Variants in SLC5A4 observed in about 807,000 individuals in gnomAD.
SLC5A4 encodes probable glucose sensor protein SLC5A4.
A neutral mutation model predicts 70.3 loss-of-function variants in SLC5A4; 55 were observed. The ratio of observed to expected loss-of-function variants is 0.78; its 90% CI spans 0.63 to 0.98. The LOEUF (loss-of-function observed/expected upper bound fraction) is 0.98, where lower values mean the gene tolerates loss of function less well. Among genes scored for constraint, SLC5A4 ranks in the 50% least tolerant of loss-of-function variants. The pLI is 0.00. For synonymous variants in SLC5A4, 268 were observed against 305.7 expected, an observed-to-expected ratio of 0.88 and a Z score of 1.29; for missense variants, 735 against 839.2, an observed-to-expected ratio of 0.88 and a Z score of 1.53.
the SLC5A4 span, among the ~76,000 whole-genome samples, chr22:32,316,934 C>CTCTCTGTGTGTGTGTGTGTGTGTGTG: frequency 1.3e-5 from 2 of 148,622 alleles, no homozygotes; most frequent in Admixed American, 6.7e-5. Context: ...ATTAACAACT[C>CTCTCTGTGTGTGTGTGTGTGTGTGTG]TGTGTGTGTG....
At chr22:32,326,592 C>T in the SLC5A4 span, among the ~76,000 whole-genome samples, 9 of 152,072 alleles carry the variant, frequency 5.9e-5, no homozygotes, top group Admixed American at 1.3e-4. Flanking sequence ...TCACAGGGAC[C>T]TGAAAGGAGG....
At position 32,231,073 on chromosome 22, in the gene SLC5A4, T is replaced by C. The variant is rs763489323; in HGVS notation, c.1024A>G (p.Met342Val). Residue 342 changes from methionine (M) to valine (V), a missense_variant and splice_region_variant, in exon 10 of 15, where the codon ATG (methionine) becomes GTG (valine). By Grantham distance (21) the Met-to-Val change is conservative. Transcript: ENST00000266086. The part of the protein sequence containing the change: ...GMISRILYTD[M>V]VACVVPSECV... ...TCAGAAGGTACCACACATGCTACCA[T>C]ATCTGGGGAAGAATTCAGAAGTGAG... The C allele has an allele frequency of 4.4e-6, 7 of 1,607,300 alleles. No individual in the cohort carries two copies. The highest frequency in any genetic ancestry group is 6.0e-6 in the Non-Finnish European group (7 of 1,173,886).
At chr22:32,300,571 G>A in the SLC5A4 span, among the ~76,000 whole-genome samples, 1 of 151,180 alleles carries the variant, frequency 6.6e-6, no homozygotes, top group Non-Finnish European at 1.5e-5. Flanking sequence ...GCACTCCCTA[G>A]TGAGATGAAC....
At chr22:32,269,538 T>C in the SLC5A4 span, 3,275 of 619,518 alleles carry the variant, frequency 5.3e-3, 85 homozygotes, top group African/African-American at 0.054. This position sits in a 1 kb window ranked among gnomAD's most constrained non-coding sequence, Gnocchi z 4.1. Context: ...ATCGTGGCCA[T>C]CTTGCTAACA....
chr22:32,298,865 C>T, the SLC5A4 span, among the ~76,000 whole-genome samples: 1 of 108,050 alleles, frequency 9.3e-6, no homozygotes, highest in Non-Finnish European at 1.9e-5. Context: ...GACAAAATCT[C>T]TCAGCATTTG....
the SLC5A4 span, among the ~76,000 whole-genome samples, chr22:32,306,460 G>A: frequency 2.1e-4 from 21 of 100,112 alleles, no homozygotes; most frequent in South Asian, 1.9e-3. Flanking sequence ...AGCAAGACTC[G>A]GTCTCAAAAA....
chr22:32,342,867 T>A, the SLC5A4 span: 4 of 152,222 alleles, frequency 2.6e-5, no homozygotes, highest in South Asian at 8.3e-4. Flanking sequence ...AACTAGCTTT[T>A]TGGCTGCTAG....
At chr22:32,310,440 G>C in the SLC5A4 span, among the ~76,000 whole-genome samples, 17 of 152,292 alleles carry the variant, frequency 1.1e-4, no homozygotes, top group South Asian at 3.3e-3. Flanking sequence ...GGCACTGCAC[G>C]TGGGACACAG....
At chr22:32,271,592 C>T in the SLC5A4 span, 11 of 684,096 alleles carry the variant, frequency 1.6e-5, no homozygotes, top group Non-Finnish European at 2.4e-5. Flanking sequence ...GGCGTGTTTC[C>T]ACTACTTCGA....
At chr22:32,328,091 CACACAA>C in the SLC5A4 span, among the ~76,000 whole-genome samples, 4 of 102,678 alleles carry the variant, frequency 3.9e-5, no homozygotes, top group Non-Finnish European at 7.6e-5. Flanking sequence ...GAGCCCCCAA[CACACAA>C]ACACACACAC....
At chr22:32,220,820 A>C in intron 14 of SLC5A4, 100 bp downstream of exon 14, 1 of 812,180 alleles carries the variant, frequency 1.2e-6, no homozygotes, top group South Asian at 1.4e-5. Flanking sequence ...TAAATCTAAC[A>C]GCCTTTTCGG....
At chr22:32,328,406 G>A in the SLC5A4 span, among the ~76,000 whole-genome samples, 1 of 152,132 alleles carries the variant, frequency 6.6e-6, no homozygotes, top group Non-Finnish European at 1.5e-5. Context: ...CCCTTCCAAG[G>A]TTAGGCTCCA....
chr22:32,346,532 C>A, the SLC5A4 span, among the ~76,000 whole-genome samples: 1 of 150,322 alleles, frequency 6.7e-6, no homozygotes. Flanking sequence ...CAGAACAGAG[C>A]CCTCAGAAAT....
upstream of SLC5A4, among the ~76,000 whole-genome samples, chr22:32,259,371 CT>C (rs1311359821): frequency 6.6e-6 from 1 of 152,062 alleles, no homozygotes; most frequent in Non-Finnish European, 1.5e-5. Context: ...TCATATGTGG[CT>C]TTATTATATT....
At chr22:32,351,744 AGGGCGG>A in the SLC5A4 span, among the ~76,000 whole-genome samples, 1 of 1,536 alleles carries the variant, frequency 6.5e-4, no homozygotes, top group East Asian at 0.026. Flanking sequence ...CGGTGGGGGG[AGGGCGG>A]GGGGGGGGTG....
intron 11 of SLC5A4, among the ~76,000 whole-genome samples, chr22:32,228,457 G>A (rs992641896): frequency 3.3e-5 from 5 of 151,746 alleles, no homozygotes; most frequent in Admixed American, 6.6e-5. Flanking sequence ...CAGGAGAATC[G>A]CTTGAACCCG....
the SLC5A4 span, among the ~76,000 whole-genome samples, chr22:32,351,234 G>A: frequency 2.0e-5 from 3 of 152,206 alleles, no homozygotes; most frequent in Admixed American, 6.5e-5. Flanking sequence ...ATGGGAGAGA[G>A]AGAAAATGGC....
At chr22:32,335,860 G>A in the SLC5A4 span, among the ~76,000 whole-genome samples, 2 of 152,296 alleles carry the variant, frequency 1.3e-5, no homozygotes, top group East Asian at 3.9e-4. Flanking sequence ...CGATCTGGAC[G>A]GTGCTTAGGA....
the SLC5A4 span, among the ~76,000 whole-genome samples, chr22:32,283,238 G>A: frequency 2.0e-3 from 307 of 152,238 alleles, 2 homozygotes; most frequent in African/African-American, 7.3e-3. Context: ...CCTGCCCCAG[G>A]GCCTTTGCAC....
Sources: gnomAD v4.1 joint callset for allele counts (sites outside exome capture counted in the v4.1 genomes callset) on GRCh38, gnomAD v4.1.1 for gene constraint, Gnocchi (gnomAD v3.1) non-coding constraint, MANE v1.5 for transcripts, NCBI Gene and HGNC (gene_info 2026-07-23, HGNC 2026-07-21) for gene names.